Variants in FMN1 observed in about 807,000 individuals in gnomAD.
FMN1 encodes formin 1.
FMN1 carries 110 observed loss-of-function variants against 132.4 expected under a neutral mutation model. The ratio of observed to expected loss-of-function variants is 0.83; its 90% CI spans 0.71 to 0.97. FMN1 has a LOEUF of 0.97. Ranked by LOEUF, FMN1 falls within the 50% of genes least tolerant of loss-of-function variation. FMN1 has a pLI of 0.00. For missense variants in FMN1, 1,792 were observed against 1,705.3 expected, an observed-to-expected ratio of 1.05 and a Z score of -0.90; for synonymous variants, 722 against 651.7, an observed-to-expected ratio of 1.11 and a Z score of -1.64.
chr15:32,799,512 G>T (rs551308057), intron 18 of FMN1, among the ~76,000 whole-genome samples: 7 of 152,176 alleles, frequency 4.6e-5, no homozygotes, highest in Non-Finnish European at 8.8e-5. Context: ...TAGATGATAT[G>T]ATCTTCAGGA....
chr15:32,964,021 A>ACACACACG (rs983845529), intron 9 of FMN1, 86 bp downstream of exon 9: 1 of 798,658 alleles, frequency 1.3e-6, no homozygotes. Flanking sequence ...TACGATACAC[A>ACACACACG]CACACACACA....
At chr15:33,089,672 G>T (rs1222927465) in intron 4 of FMN1, among the ~76,000 whole-genome samples, 1 of 152,290 alleles carries the variant, frequency 6.6e-6, no homozygotes, top group East Asian at 1.9e-4. Context: ...TTTAAATGGG[G>T]AAACTGAAGT....
At chr15:33,061,393 G>A (rs540836643) in intron 6 of FMN1, among the ~76,000 whole-genome samples, 2 of 151,762 alleles carry the variant, frequency 1.3e-5, no homozygotes, top group African/African-American at 2.4e-5. Context: ...CATATGCCAG[G>A]GAAGATATTT....
intron 19 of FMN1, among the ~76,000 whole-genome samples, chr15:32,782,303 A>G (rs1176925061): frequency 2.6e-5 from 4 of 152,226 alleles, no homozygotes; most frequent in Admixed American, 2.6e-4. Context: ...ACATGCATTG[A>G]TAACTTTTGT....
intron 4 of FMN1, among the ~76,000 whole-genome samples, chr15:33,092,221 G>A (rs980493503): frequency 6.6e-5 from 10 of 152,170 alleles, no homozygotes; most frequent in Admixed American, 1.3e-4. Context: ...ATCAGACTGA[G>A]GTTTTGCTGT....
At chr15:33,163,377 C>T (rs1964971802) in intron 3 of FMN1, among the ~76,000 whole-genome samples, 1 of 151,912 alleles carries the variant, frequency 6.6e-6, no homozygotes, top group Non-Finnish European at 1.5e-5. Flanking sequence ...TCACCGCAAC[C>T]TCTGCCTTCT....
chr15:32,988,670 G>C (rs1333700749), intron 7 of FMN1, among the ~76,000 whole-genome samples: 1 of 152,210 alleles, frequency 6.6e-6, no homozygotes, highest in Non-Finnish European at 1.5e-5. Flanking sequence ...GAGCCCTCTT[G>C]TTGCTAACTA....
At chr15:33,033,902 T>G (rs765228229) in intron 6 of FMN1, among the ~76,000 whole-genome samples, 4 of 152,180 alleles carry the variant, frequency 2.6e-5, no homozygotes, top group Non-Finnish European at 5.9e-5. Flanking sequence ...TACACTTTCC[T>G]CACGTAGCAT....
intron 15 of FMN1, among the ~76,000 whole-genome samples, chr15:32,893,400 T>C (rs1252438784): frequency 6.6e-6 from 1 of 152,238 alleles, no homozygotes; most frequent in Non-Finnish European, 1.5e-5. Flanking sequence ...GTGCGCGCGC[T>C]AGAAAAAAGG....
intron 7 of FMN1, among the ~76,000 whole-genome samples, chr15:32,974,999 T>C (rs2032088810): frequency 6.6e-6 from 1 of 152,224 alleles, no homozygotes; most frequent in Admixed American, 6.5e-5. Context: ...GATATTTCCC[T>C]GCTCTTTTCC....
At chr15:32,941,543 C>T (rs1171268321) in intron 9 of FMN1, among the ~76,000 whole-genome samples, 1 of 152,188 alleles carries the variant, frequency 6.6e-6, no homozygotes, top group African/African-American at 2.4e-5. Context: ...ATTGTAAATA[C>T]AAATTAAACT....
chr15:32,892,108 G>C (rs369139568), intron 15 of FMN1, among the ~76,000 whole-genome samples: 2 of 152,130 alleles, frequency 1.3e-5, no homozygotes, highest in Non-Finnish European at 2.9e-5. Flanking sequence ...GAGGAGTGGC[G>C]AGAGTGGGCA....
intron 17 of FMN1, among the ~76,000 whole-genome samples, chr15:32,853,901 G>A (rs557385939): frequency 1.3e-5 from 2 of 152,158 alleles, no homozygotes; most frequent in Non-Finnish European, 2.9e-5. Flanking sequence ...AAGGCAGGGC[G>A]ACAATGAGAA....
At chr15:33,081,578 C>G (rs1236326715) in intron 5 of FMN1, among the ~76,000 whole-genome samples, 1 of 152,152 alleles carries the variant, frequency 6.6e-6, no homozygotes, top group Non-Finnish European at 1.5e-5. Context: ...ATCCTTCTCA[C>G]TGATTATAGG....
At chr15:33,129,040 A>G (rs1399444618) in intron 4 of FMN1, among the ~76,000 whole-genome samples, 1 of 140,592 alleles carries the variant, frequency 7.1e-6, no homozygotes, top group African/African-American at 3.0e-5. Context: ...ACAATCCTCT[A>G]GCTAGACACA....
chr15:32,946,875 C>T (rs188177851), intron 9 of FMN1, among the ~76,000 whole-genome samples: 121 of 152,248 alleles, frequency 7.9e-4, no homozygotes, highest in African/African-American at 2.8e-3. Flanking sequence ...TCTGTAATTC[C>T]ATCTACTACA....
chr15:33,128,760 T>C (rs762097706), intron 4 of FMN1, among the ~76,000 whole-genome samples: 2 of 152,222 alleles, frequency 1.3e-5, no homozygotes, highest in South Asian at 2.1e-4. Context: ...TTAAAGCCCT[T>C]AAAAGTGGTA....
At chr15:32,882,601 C>G (rs2059797207) in intron 16 of FMN1, among the ~76,000 whole-genome samples, 1 of 152,136 alleles carries the variant, frequency 6.6e-6, no homozygotes, top group South Asian at 2.1e-4. Context: ...TTCTAGTTGA[C>G]TTTATTATTG....
chr15:32,974,591 C>T (rs2032051791), intron 7 of FMN1, among the ~76,000 whole-genome samples: 1 of 152,210 alleles, frequency 6.6e-6, no homozygotes, highest in African/African-American at 2.4e-5. Flanking sequence ...GTGGATGACA[C>T]TGGTGCTCAG....
Sources: allele counts gnomAD v4.1 joint callset (sites outside exome capture counted in the v4.1 genomes callset), GRCh38; gene constraint gnomAD v4.1.1; transcripts MANE v1.5; gene names NCBI Gene and HGNC (gene_info 2026-07-23, HGNC 2026-07-21).